The following ADGRL2 variants were observed in gnomAD, a reference collection of about 807,000 sequenced individuals.
ADGRL2 encodes the protein calcium-independent alpha-latrotoxin receptor 2.
ADGRL2 carries 44 observed loss-of-function variants against 157.4 expected under a neutral mutation model. That is an observed-to-expected ratio of 0.28 (90% CI 0.22 to 0.36). The LOEUF is 0.36. Among genes scored for constraint, ADGRL2 ranks in the 10% least tolerant of loss-of-function variants. The pLI, the probability that ADGRL2 is intolerant of heterozygous loss-of-function variation, is 1.00. For missense variants in ADGRL2, 1,510 were observed against 1,768.9 expected, an observed-to-expected ratio of 0.85 and a Z score of 2.63; for synonymous variants, 585 against 624.7, an observed-to-expected ratio of 0.94 and a Z score of 0.95.
At chr1:81,573,173 T>G (rs757666025) in intron 2 of ADGRL2, among the ~76,000 whole-genome samples, 32 of 152,024 alleles carry the variant, frequency 2.1e-4, no homozygotes, top group Admixed American at 1.3e-3. Flanking sequence ...TTCCCTGGGA[T>G]CCTATTAAAG....
intron 1 of ADGRL2, among the ~76,000 whole-genome samples, chr1:81,357,989 ATAAAG>A (rs922788602): frequency 1.9e-4 from 29 of 152,264 alleles, no homozygotes; most frequent in Admixed American, 1.4e-3. Context: ...GGGGGTAATA[ATAAAG>A]TAAATTAGCA....
chr1:81,657,445 C>T (rs1485970642), intron 3 of ADGRL2, among the ~76,000 whole-genome samples: 2 of 152,070 alleles, frequency 1.3e-5, no homozygotes, highest in East Asian at 3.9e-4. Context: ...TATAAATTAC[C>T]CAGTCTAAGA....
chr1:81,981,257 C>T (rs2149443359), intron 18 of ADGRL2: 1 of 192,462 alleles, frequency 5.2e-6, no homozygotes, highest in Non-Finnish European at 1.2e-5. Flanking sequence ...GAAATCTCTC[C>T]AAAATTATTT....
At chr1:81,431,483 T>C (rs2077320020) in intron 1 of ADGRL2, among the ~76,000 whole-genome samples, 1 of 152,046 alleles carries the variant, frequency 6.6e-6, no homozygotes, top group African/African-American at 2.4e-5. Context: ...CCCATTCAAA[T>C]TCAAAGTGGT....
At chr1:81,402,365 T>C (rs114377247) in intron 1 of ADGRL2, among the ~76,000 whole-genome samples, 20 of 152,286 alleles carry the variant, frequency 1.3e-4, no homozygotes, top group Admixed American at 4.6e-4. Context: ...ACAGAGAAAG[T>C]GCTTCCGTGA....
intron 1 of ADGRL2, among the ~76,000 whole-genome samples, chr1:81,349,663 C>T (rs896943029): frequency 3.8e-4 from 49 of 129,490 alleles, no homozygotes; most frequent in African/African-American, 1.4e-3. Flanking sequence ...CACACACACA[C>T]ATCAGCATTC....
chr1:81,646,793 C>T (rs1278052074), intron 3 of ADGRL2, among the ~76,000 whole-genome samples: 2 of 152,122 alleles, frequency 1.3e-5, no homozygotes, highest in African/African-American at 4.8e-5. Context: ...GAAGAAATGT[C>T]TGACATAGGC....
At chr1:81,797,067 A>G (rs967549650), upstream of ADGRL2, among the ~76,000 whole-genome samples, 1 of 152,216 alleles carries the variant, frequency 6.6e-6, no homozygotes, top group Admixed American at 6.5e-5. Context: ...TAAGTTTGGC[A>G]TTCATATATT....
At position 81,943,552 on chromosome 1, in the gene ADGRL2, T is replaced by C; in HGVS notation, c.993T>C (p.Val331=). ...GAGTCCTCTATGTGGTTAGGTCAGT[T>C]TATCAAGACAATGAAAGTGAAACAG... is the stretch of plus-strand genomic sequence containing the variant. The part of the protein sequence containing the change: ...ICGVLYVVRS[V]YQDNESETGK... The change falls in exon 6 of 24, where the codon GTT becomes GTC. Residue 331 remains valine, a synonymous_variant. Coordinates refer to ENST00000686636, the MANE Select transcript of ADGRL2 (RefSeq NM_001366006.2). The surrounding 1 kb of genome is among the most constrained non-coding windows in gnomAD (Gnocchi z 5.6). 1 of 1,613,780 alleles carries C rather than the reference T, an allele frequency of 6.2e-7. No homozygotes were observed. The highest frequency in any genetic ancestry group is 2.2e-5 in the East Asian group (1 of 44,884).
chr1:81,486,004 T>C (rs1298351023), intron 2 of ADGRL2, among the ~76,000 whole-genome samples: 1 of 152,198 alleles, frequency 6.6e-6, no homozygotes, highest in African/African-American at 2.4e-5. Flanking sequence ...GTTTTTTTTA[T>C]TACCTTCTAT....
chr1:81,557,067 C>A, intron 2 of ADGRL2: 1 of 180,592 alleles, frequency 5.5e-6, no homozygotes, highest in Non-Finnish European at 1.2e-5. Context: ...AGATGTGTGG[C>A]AAACTTCACG....
At chr1:81,461,689 G>A (rs895852762) in intron 2 of ADGRL2, among the ~76,000 whole-genome samples, 2 of 152,098 alleles carry the variant, frequency 1.3e-5, no homozygotes, top group African/African-American at 4.8e-5. Flanking sequence ...AGGATACAAT[G>A]TTGTAAATAT....
chr1:81,791,252 T>C (rs1465381469), intron 2 of ADGRL2, among the ~76,000 whole-genome samples: 1 of 152,172 alleles, frequency 6.6e-6, no homozygotes, highest in African/African-American at 2.4e-5. Flanking sequence ...AGTCATGAGC[T>C]ATTTTGGTAG....
intron 2 of ADGRL2, among the ~76,000 whole-genome samples, chr1:81,789,986 C>A (rs954999859): frequency 6.6e-6 from 1 of 152,034 alleles, no homozygotes; most frequent in Non-Finnish European, 1.5e-5. Flanking sequence ...TATAATTTGT[C>A]GAAGATGTTT....
intron 2 of ADGRL2, among the ~76,000 whole-genome samples, chr1:81,880,859 G>A (rs1298579036): frequency 6.6e-6 from 1 of 152,096 alleles, no homozygotes; most frequent in African/African-American, 2.4e-5. Flanking sequence ...ATCTGCCTAG[G>A]CATTTGGCTG....
intron 1 of ADGRL2, among the ~76,000 whole-genome samples, chr1:81,430,934 A>C (rs1288351215): frequency 2.0e-5 from 3 of 152,226 alleles, no homozygotes; most frequent in Non-Finnish European, 2.9e-5. Context: ...AAAGAAAAAG[A>C]AGCACTGTGC....
chr1:81,448,450 CTCTTT>C (rs1170834713), intron 2 of ADGRL2, among the ~76,000 whole-genome samples: 2 of 152,028 alleles, frequency 1.3e-5, no homozygotes, highest in African/African-American at 4.8e-5. Flanking sequence ...CTGGCCAAAC[CTCTTT>C]TCTTTATAAA....
At chr1:81,820,054 C>G (rs1285313177) in intron 1 of ADGRL2, among the ~76,000 whole-genome samples, 1 of 152,118 alleles carries the variant, frequency 6.6e-6, no homozygotes, top group Admixed American at 6.6e-5. Flanking sequence ...TCCTCAATAG[C>G]TTTTCAGCTC....
At chr1:81,429,786 C>T (rs530619619) in intron 1 of ADGRL2, among the ~76,000 whole-genome samples, 1 of 152,164 alleles carries the variant, frequency 6.6e-6, no homozygotes, top group Non-Finnish European at 1.5e-5. Flanking sequence ...TTCCATATGC[C>T]AGGCAACGTT....
Sources: gnomAD v4.1 joint callset for allele counts (sites outside exome capture counted in the v4.1 genomes callset) on GRCh38, gnomAD v4.1.1 for gene constraint, Gnocchi (gnomAD v3.1) non-coding constraint, MANE v1.5 for transcripts, NCBI Gene and HGNC (gene_info 2026-07-23, HGNC 2026-07-21) for gene names.